Variants in MPRIP observed in about 807,000 individuals in gnomAD.
MPRIP encodes the protein myosin phosphatase Rho-interacting protein.
A neutral mutation model predicts 234.9 loss-of-function variants in MPRIP; 59 were observed. The ratio of observed to expected loss-of-function variants is 0.25; its 90% confidence interval spans 0.20 to 0.31. MPRIP has a LOEUF of 0.31. Ranked by LOEUF, MPRIP falls within the 10% of genes least tolerant of loss-of-function variation. MPRIP has a pLI of 1.00. For synonymous variants in MPRIP, 1,144 were observed against 1,263.9 expected (o/e 0.91, Z 2.01); for missense variants, 2,436 against 3,071.0 (o/e 0.79, Z 4.89).
intron 3 of MPRIP, among the ~76,000 whole-genome samples, chr17:17,116,600 TC>T (rs2090290420): frequency 6.6e-6 from 1 of 152,196 alleles, no homozygotes; most frequent in Non-Finnish European, 1.5e-5. Context: ...TACCAGGTGT[TC>T]CCAGCTGGCC....
intron 16 of MPRIP, chr17:17,170,202 T>A (rs1487288832): frequency 2.5e-4 from 38 of 151,374 alleles, no homozygotes; most frequent in African/African-American, 6.8e-4. Context: ...ATATTTTTTT[T>A]TTTTTTAATT....
intron 1 of MPRIP, among the ~76,000 whole-genome samples, chr17:17,043,756 GC>G (rs759259689): frequency 4.2e-4 from 64 of 152,292 alleles, no homozygotes; most frequent in Admixed American, 2.1e-3. Flanking sequence ...AGCCCCCATG[GC>G]CCTTGGGAAC....
chr17:17,058,710 T>C (rs907564884), intron 1 of MPRIP, among the ~76,000 whole-genome samples: 4 of 152,236 alleles, frequency 2.6e-5, no homozygotes, highest in Non-Finnish European at 5.9e-5. Context: ...GTCTGTTTCA[T>C]TTCCAGATGG....
At chr17:17,139,748 G>C (rs1033785359) in intron 7 of MPRIP, among the ~76,000 whole-genome samples, 1 of 152,244 alleles carries the variant, frequency 6.6e-6, no homozygotes, top group African/African-American at 2.4e-5. Flanking sequence ...TAGTCTCCAG[G>C]ATAAGGAAGC....
chr17:17,154,270 G>A (rs2045677401), intron 12 of MPRIP, 36 bp from the exon 13 acceptor site: 1 of 1,587,536 alleles, frequency 6.3e-7, no homozygotes, highest in Non-Finnish European at 8.6e-7. Flanking sequence ...CACCCTAGGG[G>A]ACAGTCACTG....
At chr17:17,145,510 G>A (rs2045442717) in intron 9 of MPRIP, among the ~76,000 whole-genome samples, 1 of 152,200 alleles carries the variant, frequency 6.6e-6, no homozygotes. Context: ...TTCTTGTGGG[G>A]GAATACAGGT....
At chr17:17,119,264 G>C (rs2090343616) in intron 3 of MPRIP, among the ~76,000 whole-genome samples, 1 of 152,278 alleles carries the variant, frequency 6.6e-6, no homozygotes, top group Non-Finnish European at 1.5e-5. Context: ...GAGGAGGGAG[G>C]TGGTGTTCCT....
intron 23 of MPRIP, chr17:17,181,783 G>T (rs951070308): frequency 6.6e-6 from 1 of 152,190 alleles, no homozygotes; most frequent in Admixed American, 6.5e-5. Flanking sequence ...TTCCAGGGAG[G>T]CTGTGCAACA....
At chr17:17,085,429 C>A (rs1158777582) in intron 3 of MPRIP, among the ~76,000 whole-genome samples, 2 of 152,264 alleles carry the variant, frequency 1.3e-5, no homozygotes, top group African/African-American at 4.8e-5. Flanking sequence ...CCATGCATCG[C>A]ATTCCCGCGG....
chr17:17,134,770 G>C (rs1438180805), intron 5 of MPRIP, among the ~76,000 whole-genome samples: 2 of 152,234 alleles, frequency 1.3e-5, no homozygotes, highest in Non-Finnish European at 2.9e-5. Context: ...GGCTGTGTGC[G>C]TGTGGGCCTG....
rs565054591 is a variant in MPRIP at position 17,176,511 on chromosome 17, G to C, written c.6956G>C (p.Arg2319Pro). ...SLKDELQTAL[R>P]DKKYASDKYK... ...AAGGATGAGCTGCAGACGGCACTGCGGGTAAGGCCACCGCACCACAGGAGG... is the reference window on the plus strand; with the variant it reads ...AAGGATGAGCTGCAGACGGCACTGCCGGTAAGGCCACCGCACCACAGGAGG... The change falls in exon 21 of 24, where the codon CGG becomes CCG. Residue 2319 changes from arginine (R) to proline (P), a missense_variant and splice_region_variant. Transcript: ENST00000651222. 3 of 1,613,262 alleles carry C rather than the reference G, an allele frequency of 1.9e-6. No individual in the cohort carries two copies. Among genetic ancestry groups the C allele is most frequent in the Non-Finnish European group, 1.7e-6 (2 of 1,179,364 alleles).
chr17:17,166,689 G>T lies in MPRIP; in HGVS notation c.5098G>T (p.Ala1700Ser). ...GGAGACCCTGCGGGGCACCCAGACG[G>T]CCCTGCGGCAGCACAAATGCCTGCT... The part of the protein sequence containing the change: ...IQETLRGTQT[A>S]LRQHKCLLRE... The change falls in exon 16 of 24, where the codon GCC becomes TCC. Residue 1700 changes from alanine to serine, a missense_variant. Physicochemically the swap from Ala to Ser is moderately conservative, Grantham distance 99. This residue lies in a region of MPRIP where 1,998 missense variants were observed against 2,520.3 expected (regional missense o/e 0.79). Coordinates refer to ENST00000651222, the MANE Select transcript of MPRIP (RefSeq NM_001364716.4). The surrounding 1 kb of genome is among the most constrained non-coding windows in gnomAD (Gnocchi z 4.4). 7.7e-7 allele frequency: 1 copy of T among 1,304,124 alleles called. No homozygotes were observed. Among genetic ancestry groups the T allele is most frequent in the Non-Finnish European group, 1.0e-6 (1 of 988,972 alleles). The allele number at this position is 1,304,124 out of a possible 1,614,324, so 80.8% of individuals were successfully genotyped here.
chr17:17,163,150 G>A (rs543975113), intron 15 of MPRIP, among the ~76,000 whole-genome samples: 1 of 152,354 alleles, frequency 6.6e-6, no homozygotes, highest in South Asian at 2.1e-4. Context: ...CAGCTACTGG[G>A]GTGGGTGCTA....
At chr17:17,147,247 C>T (rs2045488557) in intron 10 of MPRIP, 72 bp from the exon 11 acceptor site, 7 of 1,461,868 alleles carry the variant, frequency 4.8e-6, no homozygotes, top group African/African-American at 1.4e-5. Context: ...TCTGGCTGCG[C>T]ACCGCCGTGG....
chr17:17,102,512 G>A (rs1295418825), intron 3 of MPRIP, among the ~76,000 whole-genome samples: 4 of 152,226 alleles, frequency 2.6e-5, no homozygotes, highest in South Asian at 4.1e-4. Flanking sequence ...TGGAGTGTGC[G>A]AGCAGGTCCA....
At chr17:17,172,001 A>C in intron 17 of MPRIP, 136 bp downstream of exon 17, 1 of 1,108,656 alleles carries the variant, frequency 9.0e-7, no homozygotes, top group Non-Finnish European at 1.3e-6. Context: ...GGGTTCTTTG[A>C]CTATTCACTC....
intron 16 of MPRIP, chr17:17,168,543 G>A (rs541521476): frequency 9.0e-6 from 3 of 333,942 alleles, no homozygotes; most frequent in African/African-American, 6.5e-5. Context: ...CCCCAGAACT[G>A]TCCTGCATCC....
intron 10 of MPRIP, among the ~76,000 whole-genome samples, chr17:17,146,633 C>T (rs1271298703): frequency 6.6e-6 from 1 of 152,180 alleles, no homozygotes; most frequent in Non-Finnish European, 1.5e-5. Context: ...CCTGCCAGCC[C>T]ACCTTGACCC....
chr17:17,136,542 C>A, intron 6 of MPRIP, 92 bp downstream of exon 6: 2 of 1,258,332 alleles, frequency 1.6e-6, no homozygotes, highest in South Asian at 1.4e-5. Flanking sequence ...CCTGTAGAGC[C>A]CAGTCGCAAG....
Sources: gnomAD v4.1 joint callset for allele counts (sites outside exome capture counted in the v4.1 genomes callset) on GRCh38, gnomAD v4.1.1 for gene constraint, gnomAD v4.1.1 regional missense constraint, Gnocchi (gnomAD v3.1) non-coding constraint, MANE v1.5 for transcripts, NCBI Gene and HGNC (gene_info 2026-07-23, HGNC 2026-07-21) for gene names.